SOX6: variants seen among roughly 807,000 people sequenced by gnomAD.
The protein encoded by SOX6 is transcription factor SOX-6.
Under a neutral mutation model 97.8 loss-of-function variants are expected in SOX6, and 11 were observed. That is an observed-to-expected ratio of 0.11 (90% confidence interval 0.07 to 0.19). SOX6 has a LOEUF of 0.19. SOX6 is among the 10% of genes least tolerant of loss of function. The probability of loss-of-function intolerance (pLI) is 1.00; values close to 1 mark genes in which losing one functional copy is unlikely to be tolerated. For synonymous variants in SOX6, 360 were observed against 371.4 expected, an observed-to-expected ratio of 0.97 and a Z score of 0.35; for missense variants, 810 against 1,039.5, an observed-to-expected ratio of 0.78 and a Z score of 3.04.
intron 12 of SOX6, among the ~76,000 whole-genome samples, chr11:16,020,990 GA>G (rs1855041606): frequency 1.3e-5 from 2 of 152,024 alleles, no homozygotes; most frequent in African/African-American, 4.8e-5. Flanking sequence ...TCAAAACAAG[GA>G]AATTCAGAAA....
chr11:16,434,054 C>T (rs1047439804), intron 1 of SOX6: 5 of 152,000 alleles, frequency 3.3e-5, no homozygotes, highest in Admixed American at 2.0e-4. Context: ...TTTCCATTTA[C>T]CAGGCACTAC....
chr11:16,515,357 G>C (rs1488326095), intron 4 of SOX6, among the ~76,000 whole-genome samples: 2 of 149,366 alleles, frequency 1.3e-5, no homozygotes, highest in Admixed American at 6.7e-5. Context: ...TTTGAGAAGT[G>C]TCTGTTCATG....
At chr11:16,338,211 T>G (rs1856524143) in intron 2 of SOX6, among the ~76,000 whole-genome samples, 1 of 152,082 alleles carries the variant, frequency 6.6e-6, no homozygotes, top group South Asian at 2.1e-4. Flanking sequence ...TTTGCGACTC[T>G]AAGTACAGAA....
intron 4 of SOX6, among the ~76,000 whole-genome samples, chr11:16,583,638 C>CATATGTATATATAT (rs1329710047): frequency 9.6e-6 from 1 of 104,586 alleles, no homozygotes; most frequent in African/African-American, 3.1e-5. Flanking sequence ...TATATATATA[C>CATATGTATATATAT]ACATACACAC....
intron 12 of SOX6, among the ~76,000 whole-genome samples, chr11:16,042,777 A>G (rs1271411337): frequency 6.6e-6 from 1 of 152,122 alleles, no homozygotes; most frequent in African/African-American, 2.4e-5. Context: ...AATAGTGTCC[A>G]CTGTAGCTCA....
upstream of SOX6, among the ~76,000 whole-genome samples, chr11:16,476,571 A>G (rs939436561): frequency 1.3e-5 from 2 of 152,246 alleles, no homozygotes; most frequent in African/African-American, 4.8e-5. Flanking sequence ...TCATGGTTCT[A>G]CATCTAAGAA....
In SOX6 at chr11:16,499,852, C is replaced by A. The variant is rs192958849; in HGVS notation, n.610-23464G>T. Among the ~76,000 whole-genome samples, 5 of 152,196 alleles carry A rather than the reference C, an allele frequency of 3.3e-5. No homozygotes were observed. In the East Asian group the frequency reaches 9.7e-4, roughly 29 times the overall value. ...CAACCAAAAAAAGTCCAGGACCAGACGGAGTCACAGCCGAATTCTACTAGA... is the reference window on the plus strand; with the variant it reads ...CAACCAAAAAAAGTCCAGGACCAGAAGGAGTCACAGCCGAATTCTACTAGA... On this transcript the variant is annotated intron_variant and non_coding_transcript_variant, in intron 4 of 5. Coordinates refer to the SOX6 transcript ENST00000524520.
chr11:16,676,947 T>C (rs1847888842), intron 3 of SOX6, among the ~76,000 whole-genome samples: 2 of 152,020 alleles, frequency 1.3e-5, no homozygotes, highest in South Asian at 2.1e-4. Context: ...TTACCAGGAA[T>C]ATGTGGGTAC....
At chr11:16,658,298 G>A (rs574432876) in intron 3 of SOX6, among the ~76,000 whole-genome samples, 1 of 152,106 alleles carries the variant, frequency 6.6e-6, no homozygotes, top group Non-Finnish European at 1.5e-5. Context: ...TTTCTCTTTT[G>A]TGAAACACCA....
intron 4 of SOX6, among the ~76,000 whole-genome samples, chr11:16,577,681 A>C (rs181772041): frequency 1.3e-5 from 2 of 152,224 alleles, no homozygotes; most frequent in African/African-American, 4.8e-5. Flanking sequence ...TTAATGTCTA[A>C]TGATGTCATA....
chr11:16,055,999 C>A, intron 9 of SOX6, 98 bp from the exon 10 acceptor site: 1 of 1,334,564 alleles, frequency 7.5e-7, no homozygotes, highest in Non-Finnish European at 1.0e-6. Flanking sequence ...TCTCAGACAG[C>A]CTTGTAATTT....
At chr11:15,997,916 C>G (rs1268599069) in intron 13 of SOX6, among the ~76,000 whole-genome samples, 1 of 151,836 alleles carries the variant, frequency 6.6e-6, no homozygotes, top group Non-Finnish European at 1.5e-5. Context: ...CCCTGCTCTA[C>G]TAAAAATACA....
intron 4 of SOX6, among the ~76,000 whole-genome samples, chr11:16,579,310 C>A (rs568690358): frequency 1.4e-4 from 21 of 151,684 alleles, no homozygotes; most frequent in African/African-American, 4.6e-4. Flanking sequence ...CAGTGAAATG[C>A]ACTAATCCTA....
intron 4 of SOX6, among the ~76,000 whole-genome samples, chr11:16,526,174 C>T (rs1328062373): frequency 6.6e-6 from 1 of 152,178 alleles, no homozygotes; most frequent in Non-Finnish European, 1.5e-5. Context: ...GCTATAAAGA[C>T]ACATGCACAC....
At chr11:16,665,465 G>T (rs1042733111) in intron 3 of SOX6, among the ~76,000 whole-genome samples, 1 of 152,166 alleles carries the variant, frequency 6.6e-6, no homozygotes, top group African/African-American at 2.4e-5. Context: ...TGGACTAAGG[G>T]GGGAAAACAG....
intron 3 of SOX6, among the ~76,000 whole-genome samples, chr11:16,305,358 A>C (rs1305988844): frequency 6.6e-6 from 1 of 152,222 alleles, no homozygotes; most frequent in African/African-American, 2.4e-5. Context: ...ACCCTACAAT[A>C]AGATATCAGT....
intron 3 of SOX6, among the ~76,000 whole-genome samples, chr11:16,618,931 C>T (rs1848505259): frequency 6.6e-6 from 1 of 151,984 alleles, no homozygotes; most frequent in Non-Finnish European, 1.5e-5. Context: ...TCATAATGCA[C>T]ATTCATAATA....
chr11:16,098,038 G>A (rs552904193), intron 7 of SOX6, among the ~76,000 whole-genome samples: 4 of 151,916 alleles, frequency 2.6e-5, no homozygotes, highest in East Asian at 1.9e-4. Flanking sequence ...AAGCATTAAG[G>A]CTTTTATATT....
At chr11:16,006,042 G>A (rs1049637404) in intron 13 of SOX6, among the ~76,000 whole-genome samples, 5 of 151,956 alleles carry the variant, frequency 3.3e-5, no homozygotes, top group Non-Finnish European at 7.4e-5. Context: ...AGTCACAGTA[G>A]ACAGTGAAAA....
Sources: allele counts gnomAD v4.1 joint callset (sites outside exome capture counted in the v4.1 genomes callset), GRCh38; gene constraint gnomAD v4.1.1; transcripts MANE v1.5; gene names NCBI Gene and HGNC (gene_info 2026-07-23, HGNC 2026-07-21).